Variants in PRDM16 observed in about 807,000 individuals in gnomAD.
The protein encoded by PRDM16 is histone-lysine N-methyltransferase PRDM16.
A neutral mutation model predicts 110.6 loss-of-function variants in PRDM16; 23 were observed. The ratio of observed to expected loss-of-function variants is 0.21; its 90% CI spans 0.15 to 0.29. PRDM16 has a LOEUF of 0.29. PRDM16 is among the 10% of genes least tolerant of loss of function. The probability of loss-of-function intolerance (pLI) is 1.00; values close to 1 mark genes in which losing one functional copy is unlikely to be tolerated. For synonymous variants in PRDM16, 799 were observed against 781.8 expected (o/e 1.02, Z -0.37); for missense variants, 1,615 against 1,794.3 (o/e 0.90, Z 1.81).
intron 1 of PRDM16, among the ~76,000 whole-genome samples, chr1:3,149,451 G>A (rs1260779961): frequency 6.6e-6 from 1 of 152,162 alleles, no homozygotes; most frequent in Non-Finnish European, 1.5e-5. Flanking sequence ...GAGGTGCTGT[G>A]GGTGCCTGCA....
intron 9 of PRDM16, among the ~76,000 whole-genome samples, chr1:3,413,843 A>T (rs1012423935): frequency 6.6e-6 from 1 of 152,130 alleles, no homozygotes; most frequent in African/African-American, 2.4e-5. Context: ...TTACCACAGG[A>T]GGTTTGCATT....
intron 1 of PRDM16, among the ~76,000 whole-genome samples, chr1:3,181,654 ACGGTCTTACAC>A (rs1644195854): frequency 4.5e-5 from 6 of 133,950 alleles, no homozygotes; most frequent in East Asian, 5.7e-4. Flanking sequence ...GGTCTTACAC[ACGGTCTTACAC>A]AGTCTTACAC....
chr1:3,135,555 G>A (rs115597913), intron 1 of PRDM16, among the ~76,000 whole-genome samples: 2 of 152,192 alleles, frequency 1.3e-5, no homozygotes, highest in East Asian at 1.9e-4. Flanking sequence ...CAGCCCGACC[G>A]AGCCCTCCCC....
At position 3,425,681 on chromosome 1, in the gene PRDM16, A is replaced by C; in HGVS notation, c.3040A>C (p.Asn1014His). The stretch of plus-strand genomic sequence containing the variant: ...GAAGCCTTTCAAGTGCCACCTGTGC[A>C]ACCGCTGCTTCGGGCAGCAGACCAA... ...KEKPFKCHLCNRCFGQQTNLD... is the reference protein window; with the variant it reads ...KEKPFKCHLCHRCFGQQTNLD... The change falls in exon 13 of 17, where the codon AAC becomes CAC. Residue 1014 changes from asparagine (N) to histidine (H), a missense_variant. Asn to His is a moderately conservative substitution (Grantham distance 68, BLOSUM62 1). This residue lies in a region of PRDM16 where 327 missense variants were observed against 359.3 expected (regional missense o/e 0.91). Transcript: ENST00000270722. This position sits in a 1 kb window ranked among gnomAD's most constrained non-coding sequence, Gnocchi z 6.9. The C allele has an allele frequency of 6.2e-7, 1 of 1,613,964 alleles. No homozygotes were observed. Among genetic ancestry groups the C allele is most frequent in the Non-Finnish European group, 8.5e-7 (1 of 1,179,956 alleles).
Position 3,436,084 on chromosome 1 carries a change from TC to T in PRDM16, c.*2275del. The T allele has an allele frequency of 4.3e-6, 1 of 231,248 alleles. No individual in the cohort carries two copies. Among genetic ancestry groups the T allele is most frequent in the Non-Finnish European group, 8.6e-6 (1 of 116,816 alleles). The allele number at this position is 231,248 out of a possible 1,614,324, so 14.3% of individuals were successfully genotyped here. On this transcript the variant is annotated 3_prime_UTR_variant, in exon 17 of 17. Transcript: ENST00000270722. ...ACCCACCAGGTACCCCGTAGGAATT[TC>T]CAGTTTCCCTTGATCTAGATGGGAT...
At chr1:3,268,294 C>T (rs193196433) in intron 3 of PRDM16, among the ~76,000 whole-genome samples, 5 of 152,214 alleles carry the variant, frequency 3.3e-5, no homozygotes, top group Non-Finnish European at 7.3e-5. Context: ...TTGTCAGGCT[C>T]CGAGCAATTA....
chr1:3,166,432 G>A (rs1012085488), intron 1 of PRDM16, among the ~76,000 whole-genome samples: 5 of 152,224 alleles, frequency 3.3e-5, no homozygotes, highest in East Asian at 3.9e-4. Flanking sequence ...GCTGAGGCGC[G>A]TCCGGGCGAG....
intron 3 of PRDM16, among the ~76,000 whole-genome samples, chr1:3,318,772 C>T (rs1641672377): frequency 6.6e-6 from 1 of 152,230 alleles, no homozygotes; most frequent in African/African-American, 2.4e-5. Flanking sequence ...CCAGCATCAT[C>T]TGGATGACTA....
At chr1:3,132,686 C>A (rs750386284) in intron 1 of PRDM16, among the ~76,000 whole-genome samples, 2 of 152,350 alleles carry the variant, frequency 1.3e-5, no homozygotes, top group African/African-American at 4.8e-5. Context: ...AAGTCAACAC[C>A]TCTGCCTCCC....
intron 3 of PRDM16, among the ~76,000 whole-genome samples, chr1:3,355,378 C>T (rs1189617443): frequency 4.6e-5 from 7 of 152,180 alleles, no homozygotes; most frequent in Non-Finnish European, 8.8e-5. Flanking sequence ...TCCAACACAG[C>T]TTCTCTTTCC....
chr1:3,109,523 G>C (rs1006374358), intron 1 of PRDM16, among the ~76,000 whole-genome samples: 7 of 152,140 alleles, frequency 4.6e-5, no homozygotes, highest in Non-Finnish European at 8.8e-5. Flanking sequence ...TTTAATAACT[G>C]TCTAATACTA....
intron 1 of PRDM16, among the ~76,000 whole-genome samples, chr1:3,127,216 G>A (rs1643227326): frequency 6.6e-6 from 1 of 152,222 alleles, no homozygotes. Context: ...TGCGATCCTC[G>A]CTTGACCTCT....
In PRDM16 at chr1:3,335,641, A is replaced by C. The variant is rs182088419; in HGVS notation, c.439-49511A>C. On this transcript the variant is annotated intron_variant, in intron 3 of 16. Transcript: ENST00000270722. ...CACACACACACACACACACACACAC[A>C]CCCTTGGACATAAATCTGCAAATAA... 2.2e-4 allele frequency among the ~76,000 whole-genome samples: 32 copies of C among 146,508 alleles called. No homozygotes were observed. In the South Asian group the frequency reaches 2.3e-3, roughly 10 times the overall value.
chr1:3,165,220 C>T (rs1643936833), intron 1 of PRDM16, among the ~76,000 whole-genome samples: 1 of 152,202 alleles, frequency 6.6e-6, no homozygotes, highest in Admixed American at 6.5e-5. Context: ...GGGGCATGGA[C>T]TCACCTGGGC....
Position 3,225,862 on chromosome 1 carries a change from G to A in PRDM16, c.388-18225G>A, listed in dbSNP as rs764134385. ...CGGAGCCGCCGGGGCAGCCAGATGT[G>A]TGGGCACCGCACAGGCAAAGCCGGT... On this transcript the variant is annotated intron_variant, in intron 2 of 16. Transcript: ENST00000270722. 3.2e-4 allele frequency among the ~76,000 whole-genome samples: 48 copies of A among 152,342 alleles called. 1 individual carries two copies. Among genetic ancestry groups the A allele is most frequent in the Admixed American group, 5.2e-4 (8 of 15,312 alleles).
intron 1 of PRDM16, among the ~76,000 whole-genome samples, chr1:3,128,668 CTCCCACCATGCTACTGGAGACCA>C (rs147796784): frequency 0.36 from 54,937 of 151,664 alleles, 10,412 homozygotes; most frequent in African/African-American, 0.46. Flanking sequence ...TGCCCTGTTC[CTCCCACCATGCTACTGGAGACCA>C]TCCCACCATG....
chr1:3,414,565 T>C lies in PRDM16; in HGVS notation c.2609T>C (p.Val870Ala), dbSNP rs780593352. ...CCCTCTGTGCTGTTGTCCAGCAGGG[T>C]AGAAAAGCGGAAGGTCACAGACCCC... ...PFFMDPIYSR[V>A]EKRKVTDPVG... Residue 870 changes from valine (V) to alanine (A), a missense_variant, in exon 10 of 17, where the codon GTA becomes GCA. By Grantham distance (64) the Val-to-Ala change is moderately conservative (BLOSUM62 0). Around this residue, in one of 5 missense-constraint regions of PRDM16, gnomAD observed 772 missense variants for 748.3 expected, o/e 1.03. Transcript: ENST00000270722. The C allele has an allele frequency of 6.2e-7, 1 of 1,612,092 alleles. No homozygotes were observed. Among genetic ancestry groups the C allele is most frequent in the Non-Finnish European group, 8.5e-7 (1 of 1,179,200 alleles).
intron 1 of PRDM16, among the ~76,000 whole-genome samples, chr1:3,131,526 A>T (rs1643334704): frequency 8.9e-6 from 1 of 112,682 alleles, no homozygotes; most frequent in Admixed American, 7.9e-5. Flanking sequence ...CCAGAAAGTT[A>T]AAAAAAATCA....
chr1:3,332,745 C>A (rs1488108987), intron 3 of PRDM16, among the ~76,000 whole-genome samples: 5 of 151,960 alleles, frequency 3.3e-5, no homozygotes, highest in South Asian at 2.1e-4. Flanking sequence ...GCCCGTCCCC[C>A]CAGGCCCTGA....
Sources: allele counts gnomAD v4.1 joint callset (sites outside exome capture counted in the v4.1 genomes callset), GRCh38; gene constraint gnomAD v4.1.1; regional missense constraint gnomAD v4.1.1; non-coding constraint Gnocchi (gnomAD v3.1); transcripts MANE v1.5; gene names NCBI Gene and HGNC (gene_info 2026-07-23, HGNC 2026-07-21).